The following MED13L variants were observed in gnomAD, a reference collection of about 807,000 sequenced individuals.
The protein encoded by MED13L is mediator complex subunit 13L, also known as mediator of RNA polymerase II transcription subunit 13-like.
In MED13L, 7 loss-of-function variants were observed where a neutral mutation model predicts 220.9. The ratio of observed to expected loss-of-function variants is 0.03; its 90% CI spans 0.02 to 0.06. The LOEUF (loss-of-function observed/expected upper bound fraction) is 0.06. Among genes scored for constraint, MED13L ranks in the 10% least tolerant of loss-of-function variants. The pLI, the probability that MED13L is intolerant of heterozygous loss-of-function variation, is 1.00. For missense variants in MED13L, 1,965 were observed against 2,760.5 expected (o/e 0.71, Z 6.46); for synonymous variants, 1,011 against 1,015.2 (o/e 1.00, Z 0.08).
intron 2 of MED13L, among the ~76,000 whole-genome samples, chr12:116,213,563 G>A (rs568365374): frequency 3.9e-5 from 6 of 152,034 alleles, no homozygotes; most frequent in African/African-American, 1.2e-4. Flanking sequence ...ACAGGCATGC[G>A]CCACCATGCC....
chr12:115,966,740 C>T (rs1434609416), intron 28 of MED13L, among the ~76,000 whole-genome samples: 1 of 152,140 alleles, frequency 6.6e-6, no homozygotes, highest in Non-Finnish European at 1.5e-5. Context: ...TGCAGCATTC[C>T]CCTTAATAAG....
intron 8 of MED13L, among the ~76,000 whole-genome samples, chr12:116,013,884 G>C (rs927062184): frequency 1.3e-5 from 2 of 151,968 alleles, no homozygotes; most frequent in Admixed American, 6.5e-5. Context: ...CTGAGAAAGG[G>C]ACTATGATCT....
intron 2 of MED13L, chr12:116,174,437 C>G (rs1393188584): frequency 6.6e-6 from 1 of 150,490 alleles, no homozygotes; most frequent in Non-Finnish European, 1.5e-5. Context: ...AAAGCTAGAG[C>G]TACATCTAAA....
intron 2 of MED13L, among the ~76,000 whole-genome samples, chr12:116,167,457 T>C (rs1368412958): frequency 1.3e-5 from 2 of 152,214 alleles, no homozygotes; most frequent in Admixed American, 6.5e-5. Context: ...TAGAGCTATG[T>C]TGACTTACAG....
At chr12:115,983,067 G>A (rs974275102) in intron 21 of MED13L, 50 bp downstream of exon 21, 5 of 1,579,966 alleles carry the variant, frequency 3.2e-6, no homozygotes, top group Admixed American at 1.7e-5. Context: ...AAGAAGAAGA[G>A]AGAAAGGGTC....
At chr12:116,066,760 A>T (rs1325006689) in intron 4 of MED13L, among the ~76,000 whole-genome samples, 3 of 141,320 alleles carry the variant, frequency 2.1e-5, no homozygotes, top group Non-Finnish European at 3.1e-5. Flanking sequence ...AAATTGTATT[A>T]AAAAAAAAAA....
chr12:116,050,001 A>C (rs957576853), intron 4 of MED13L, among the ~76,000 whole-genome samples: 1 of 152,240 alleles, frequency 6.6e-6, no homozygotes, highest in Non-Finnish European at 1.5e-5. Context: ...TGTAGTCAAA[A>C]TAAATGGAAA....
At chr12:116,019,073 T>C in intron 7 of MED13L, 151 bp downstream of exon 7, 1 of 729,720 alleles carries the variant, frequency 1.4e-6, no homozygotes, top group Non-Finnish European at 2.2e-6. Flanking sequence ...TGTTTATAGT[T>C]TTCCTTCTCC....
At chr12:116,217,841 AC>A (rs1409874726) in intron 2 of MED13L, among the ~76,000 whole-genome samples, 2 of 152,212 alleles carry the variant, frequency 1.3e-5, no homozygotes, top group Non-Finnish European at 2.9e-5. Flanking sequence ...AGTAAAGAGA[AC>A]CCACTAAAAC....
At chr12:116,225,458 T>C (rs949390290) in intron 2 of MED13L, among the ~76,000 whole-genome samples, 2 of 152,158 alleles carry the variant, frequency 1.3e-5, no homozygotes, top group African/African-American at 2.4e-5. Flanking sequence ...GTTTCCAAAA[T>C]AGGAGTTATT....
At chr12:116,240,008 A>G (rs1266347743) in intron 1 of MED13L, among the ~76,000 whole-genome samples, 1 of 152,222 alleles carries the variant, frequency 6.6e-6, no homozygotes, top group Non-Finnish European at 1.5e-5. Flanking sequence ...TCTGGGACAT[A>G]GCAAAAACTG....
At chr12:116,255,667 C>A (rs1308321484) in intron 1 of MED13L, among the ~76,000 whole-genome samples, 1 of 152,180 alleles carries the variant, frequency 6.6e-6, no homozygotes, top group African/African-American at 2.4e-5. Flanking sequence ...TCTTCCAATT[C>A]AGTAAGAAAA....
intron 14 of MED13L, among the ~76,000 whole-genome samples, chr12:116,000,714 T>C (rs1387780214): frequency 1.3e-5 from 2 of 152,200 alleles, no homozygotes; most frequent in Admixed American, 1.3e-4. Flanking sequence ...TAAAAACATG[T>C]TTTTACTATA....
chr12:116,011,912 C>T (rs1592945852), intron 9 of MED13L, among the ~76,000 whole-genome samples: 1 of 152,190 alleles, frequency 6.6e-6, no homozygotes, highest in Non-Finnish European at 1.5e-5. Flanking sequence ...ATGCAGGGGG[C>T]GTATGGACTA....
rs192117558 is a variant in MED13L, at chr12:116,027,076, A to G, written c.480-4475T>C. Among the ~76,000 whole-genome samples the G allele has an allele frequency of 8.3e-4, 85 of 102,814 alleles. 1 individual carries two copies. Among genetic ancestry groups the G allele is most frequent in the Admixed American group, 2.7e-3 (25 of 9,280 alleles). 67.4% of individuals were successfully genotyped at this position (102,814 alleles called of 152,430 possible). ...GGGGAGAAAAATATTTCCACACACAATTTGCTTACAATTTGCATGTGGCAT... is the reference window on the plus strand; with the variant it reads ...GGGGAGAAAAATATTTCCACACACAGTTTGCTTACAATTTGCATGTGGCAT... On this transcript the variant is annotated intron_variant, in intron 4 of 30. Coordinates refer to ENST00000281928, the MANE Select transcript of MED13L (RefSeq NM_015335.5).
intron 11 of MED13L, 113 bp downstream of exon 11, chr12:116,007,298 G>A (rs1167488368): frequency 1.1e-6 from 1 of 922,756 alleles, no homozygotes; most frequent in East Asian, 2.4e-5. Context: ...TGGGGACAGA[G>A]CAATCAGGCA....
At chr12:116,158,437 A>G (rs899658951) in intron 2 of MED13L, among the ~76,000 whole-genome samples, 26 of 152,212 alleles carry the variant, frequency 1.7e-4, no homozygotes, top group African/African-American at 6.0e-4. Context: ...AGCCAATCTC[A>G]GCGTGGTCCT....
At chr12:116,042,503 G>A (rs1881593461) in intron 4 of MED13L, among the ~76,000 whole-genome samples, 1 of 152,206 alleles carries the variant, frequency 6.6e-6, no homozygotes, top group African/African-American at 2.4e-5. Flanking sequence ...AGGGAAAGAT[G>A]AGATGTGGTG....
At chr12:116,250,633 C>A (rs1871457886) in intron 1 of MED13L, among the ~76,000 whole-genome samples, 1 of 149,872 alleles carries the variant, frequency 6.7e-6, no homozygotes, top group Non-Finnish European at 1.5e-5. Flanking sequence ...AAAAATTAGC[C>A]GGGAGTGGTG....
Sources: gnomAD v4.1 joint callset for allele counts (sites outside exome capture counted in the v4.1 genomes callset) on GRCh38, gnomAD v4.1.1 for gene constraint, MANE v1.5 for transcripts, NCBI Gene and HGNC (gene_info 2026-07-23, HGNC 2026-07-21) for gene names.